Variants in TALDO1 observed in about 807,000 individuals in gnomAD.
TALDO1 encodes the protein transaldolase.
Under a neutral mutation model 38.1 loss-of-function variants are expected in TALDO1, and 29 were observed. The ratio of observed to expected loss-of-function variants is 0.76; its 90% CI spans 0.57 to 1.04. TALDO1 has a LOEUF of 1.04. Among genes scored for constraint, TALDO1 ranks in the 50% least tolerant of loss-of-function variants. The pLI, the probability that TALDO1 is intolerant of heterozygous loss-of-function variation, is 0.00. For missense variants in TALDO1, 499 were observed against 438.1 expected, an observed-to-expected ratio of 1.14 and a Z score of -1.24; for synonymous variants, 207 against 176.8, an observed-to-expected ratio of 1.17 and a Z score of -1.36.
intron 4 of TALDO1, 66 bp downstream of exon 4, chr11:760,319 G>T: frequency 1.2e-6 from 2 of 1,601,948 alleles, no homozygotes; most frequent in Non-Finnish European, 1.7e-6. Flanking sequence ...GGGTCTACAT[G>T]GCATCAGGCA....
intron 1 of TALDO1, 55 bp downstream of exon 1, chr11:747,633 GC>G: frequency 6.9e-7 from 1 of 1,439,958 alleles, no homozygotes; most frequent in Non-Finnish European, 9.4e-7. Flanking sequence ...AGGCCCCGGC[GC>G]CCCGATTTCC....
chr11:748,850 C>T (rs972658252), intron 1 of TALDO1, among the ~76,000 whole-genome samples: 1 of 152,206 alleles, frequency 6.6e-6, no homozygotes, highest in South Asian at 2.1e-4. Context: ...AAGAAAGCTC[C>T]AGAAAAGGGG....
intron 1 of TALDO1, among the ~76,000 whole-genome samples, chr11:752,868 C>T (rs1044140527): frequency 3.9e-5 from 6 of 152,198 alleles, no homozygotes; most frequent in African/African-American, 1.4e-4. Flanking sequence ...GGAGCCCAGA[C>T]TTGTGACGGG....
chr11:757,656 C>T (rs1012510648), intron 2 of TALDO1, among the ~76,000 whole-genome samples: 1 of 152,176 alleles, frequency 6.6e-6, no homozygotes. Flanking sequence ...AGTGGGCTAA[C>T]AAGGCTGCTC....
chr11:756,173 A>G (rs528961315), intron 2 of TALDO1, 171 bp downstream of exon 2: 1 of 921,688 alleles, frequency 1.1e-6, no homozygotes, highest in African/African-American at 1.7e-5. Flanking sequence ...GCATGAAGTA[A>G]CCTGCACCTG....
chr11:759,103 CA>C, intron 3 of TALDO1, 46 bp downstream of exon 3: 1 of 1,511,312 alleles, frequency 6.6e-7, no homozygotes, highest in Non-Finnish European at 9.2e-7. Context: ...CAGGTGTCCA[CA>C]GTTGCACACG....
At chr11:763,673 G>T (rs1329512391) in intron 5 of TALDO1, 74 bp from the exon 6 acceptor site, 2 of 1,581,710 alleles carry the variant, frequency 1.3e-6, no homozygotes, top group South Asian at 2.2e-5. Flanking sequence ...TAGTGCAGCC[G>T]GCAGGCACTG....
At chr11:755,849 T>A (rs1306774823) in intron 1 of TALDO1, 30 bp from the exon 2 acceptor site, 1 of 1,614,092 alleles carries the variant, frequency 6.2e-7, no homozygotes, top group East Asian at 2.2e-5. Flanking sequence ...GTACTCCACT[T>A]ACTTTGGCTT....
rs373523138 is a variant in TALDO1 at position 758,604 on chromosome 11, GCTT to G, written c.222-342_222-340del. Reference sequence around the variant, plus strand: ...AGTCTTGTGCACTTGAACCTCAGAAGCTTCTTTTTTTTTTTCTTGAGATGGAGT... The same window carrying G: ...AGTCTTGTGCACTTGAACCTCAGAAGCTTTTTTTTTTTCTTGAGATGGAGT... On this transcript the variant is annotated intron_variant, in intron 2 of 7. Coordinates refer to ENST00000319006, the MANE Select transcript of TALDO1 (RefSeq NM_006755.2). Among the ~76,000 whole-genome samples, 704 of 151,964 alleles carry G rather than the reference GCTT, an allele frequency of 4.6e-3. 4 individuals are homozygous for G. The highest frequency in any genetic ancestry group is 0.016 in the African/African-American group (678 of 41,464).
At chr11:755,857 C>G in intron 1 of TALDO1, 22 bp from the exon 2 acceptor site, 1 of 1,614,152 alleles carries the variant, frequency 6.2e-7, no homozygotes, top group African/African-American at 1.3e-5. Flanking sequence ...CTTACTTTGG[C>G]TTTTGAAAAC....
chr11:758,881 A>C (rs1008403125), intron 2 of TALDO1, 69 bp from the exon 3 acceptor site: 46 of 1,282,886 alleles, frequency 3.6e-5, no homozygotes, highest in Non-Finnish European at 5.1e-5. Context: ...CTGGGATTAC[A>C]GGCGTGAGCC....
At chr11:757,828 A>T (rs985339238) in intron 2 of TALDO1, among the ~76,000 whole-genome samples, 1 of 152,186 alleles carries the variant, frequency 6.6e-6, no homozygotes, top group Non-Finnish European at 1.5e-5. Flanking sequence ...AGAACTGTGA[A>T]TGTGCTGAAT....
intron 1 of TALDO1, among the ~76,000 whole-genome samples, chr11:754,379 T>C (rs1862798400): frequency 6.6e-6 from 1 of 152,194 alleles, no homozygotes; most frequent in Non-Finnish European, 1.5e-5. Flanking sequence ...ACTTGGGACA[T>C]TGTCAAAGTT....
At chr11:753,622 G>T (rs1459680024) in intron 1 of TALDO1, among the ~76,000 whole-genome samples, 1 of 152,160 alleles carries the variant, frequency 6.6e-6, no homozygotes. Context: ...TACTCATGGG[G>T]CTGAGGCAGG....
chr11:764,535 C>A, intron 7 of TALDO1, 102 bp downstream of exon 7: 1 of 1,525,212 alleles, frequency 6.6e-7, no homozygotes, highest in African/African-American at 1.4e-5. Flanking sequence ...TGGTGAGACC[C>A]CAGGTCTCAT....
Position 764,371 on chromosome 11 carries a change from A to C in TALDO1, c.919A>C (p.Lys307Gln), listed in dbSNP as rs750719405. 14 of 1,614,012 alleles carry C rather than the reference A, an allele frequency of 8.7e-6. No individual in the cohort carries two copies. Among genetic ancestry groups the C allele is most frequent in the African/African-American group, 4.0e-5 (3 of 74,942 alleles). The change falls in exon 7 of 8, where the codon AAG becomes CAG. Residue 307 changes from lysine (K) to glutamine (Q), a missense_variant. Physicochemically the swap from Lys to Gln is moderately conservative, Grantham distance 53 (BLOSUM62 1). Transcript: ENST00000319006. ...LHNEDQMAVEKLSDGIRKFAA... is the reference protein window; with the variant it reads ...LHNEDQMAVEQLSDGIRKFAA... The stretch of plus-strand genomic sequence containing the variant: ...CAACGAGGACCAGATGGCTGTGGAG[A>C]AGCTCTCTGACGGGATCCGCAAGTT...
intron 1 of TALDO1, among the ~76,000 whole-genome samples, chr11:747,919 G>A (rs1862688868): frequency 6.6e-6 from 1 of 152,218 alleles, no homozygotes; most frequent in East Asian, 1.9e-4. Flanking sequence ...GGTACTGACG[G>A]GTCCTTGCGA....
chr11:764,697 C>T (rs916983197), intron 7 of TALDO1, 116 bp from the exon 8 acceptor site: 1 of 1,539,056 alleles, frequency 6.5e-7, no homozygotes, highest in Non-Finnish European at 9.0e-7. Context: ...GGCCGTGGCC[C>T]CCACACAGAG....
At chr11:764,167 T>C in intron 6 of TALDO1, 121 bp from the exon 7 acceptor site, 2 of 1,564,462 alleles carry the variant, frequency 1.3e-6, no homozygotes, top group South Asian at 2.2e-5. Context: ...TGAGCCTTGC[T>C]GGGGCCAAGG....
Sources: allele counts gnomAD v4.1 joint callset (sites outside exome capture counted in the v4.1 genomes callset), GRCh38; gene constraint gnomAD v4.1.1; transcripts MANE v1.5; gene names NCBI Gene and HGNC (gene_info 2026-07-23, HGNC 2026-07-21).